Variants in SLC35F3 observed in about 807,000 individuals in gnomAD.
SLC35F3 encodes the protein solute carrier family 35 member F3, also known as putative thiamine transporter SLC35F3.
In SLC35F3, 25 loss-of-function variants were observed where a neutral mutation model predicts 49.9. The ratio of observed to expected loss-of-function variants is 0.50; its 90% confidence interval spans 0.37 to 0.70. The LOEUF is 0.70. Ranked by LOEUF, SLC35F3 falls within the 30% of genes least tolerant of loss-of-function variation. The pLI, the probability that SLC35F3 is intolerant of heterozygous loss-of-function variation, is 0.00. For missense variants in SLC35F3, 525 were observed against 639.8 expected, an observed-to-expected ratio of 0.82 and a Z score of 1.94; for synonymous variants, 275 against 265.4, an observed-to-expected ratio of 1.04 and a Z score of -0.35.
chr1:234,151,823 A>C (rs976891833), intron 2 of SLC35F3, among the ~76,000 whole-genome samples: 8 of 152,164 alleles, frequency 5.3e-5, no homozygotes, highest in African/African-American at 1.9e-4. Flanking sequence ...CAAAATCCAA[A>C]GCAATGGAAC....
At chr1:234,137,920 A>G (rs981638547) in intron 2 of SLC35F3, among the ~76,000 whole-genome samples, 1 of 152,102 alleles carries the variant, frequency 6.6e-6, no homozygotes, top group Non-Finnish European at 1.5e-5. Context: ...TGAAAAGGTT[A>G]GATTTGGGTT....
intron 2 of SLC35F3, among the ~76,000 whole-genome samples, chr1:234,050,671 G>C (rs1664362999): frequency 6.6e-6 from 1 of 152,170 alleles, no homozygotes; most frequent in Admixed American, 6.5e-5. Flanking sequence ...TTTGGCTTTT[G>C]TTGCCATTGC....
intron 2 of SLC35F3, among the ~76,000 whole-genome samples, chr1:234,181,352 AAAAG>A (rs1238641594): frequency 5.0e-4 from 75 of 151,252 alleles, no homozygotes; most frequent in Admixed American, 1.9e-3. Context: ...AAAAAAAAAA[AAAAG>A]AAAGAAAGAA....
chr1:234,239,653 C>G (rs1431856131), intron 3 of SLC35F3, among the ~76,000 whole-genome samples: 1 of 152,224 alleles, frequency 6.6e-6, no homozygotes, highest in Non-Finnish European at 1.5e-5. Flanking sequence ...AGAAGTGGGT[C>G]AGCGCTATCT....
At chr1:234,105,790 C>G (rs918811516) in intron 2 of SLC35F3, among the ~76,000 whole-genome samples, 1 of 152,220 alleles carries the variant, frequency 6.6e-6, no homozygotes, top group Admixed American at 6.5e-5. Context: ...GGAGTATTGT[C>G]CTTCCCTGCC....
At chr1:234,083,393 T>C (rs1664911463) in intron 2 of SLC35F3, among the ~76,000 whole-genome samples, 1 of 152,222 alleles carries the variant, frequency 6.6e-6, no homozygotes, top group Non-Finnish European at 1.5e-5. Context: ...TGTTTTTTCA[T>C]TTTGTTTTCT....
chr1:234,186,555 G>A (rs546084404), intron 2 of SLC35F3, among the ~76,000 whole-genome samples: 3 of 152,318 alleles, frequency 2.0e-5, no homozygotes, highest in Non-Finnish European at 4.4e-5. Context: ...CTCATTTGAG[G>A]TGAGATGTGA....
In SLC35F3 at chr1:234,273,438, GC is replaced by G. The variant is rs540888250; in HGVS notation, c.609-35657del. Among the ~76,000 whole-genome samples, 89 of 152,240 alleles carry G rather than the reference GC, an allele frequency of 5.8e-4. 1 individual carries two copies. The highest frequency in any genetic ancestry group is 2.1e-3 in the African/African-American group (87 of 41,540). ...CCCTACAATTCCAGCAGTCTGTCCTGCCCCCCTATCTGGAGTAGCCAAGAAC... is the reference window on the plus strand; with the variant it reads ...CCCTACAATTCCAGCAGTCTGTCCTGCCCCCTATCTGGAGTAGCCAAGAAC... On this transcript the variant is annotated intron_variant, in intron 3 of 7. Coordinates refer to ENST00000366618, the MANE Select transcript of SLC35F3 (RefSeq NM_173508.4).
rs1040753997 is a variant in SLC35F3, at chr1:234,232,422, C to G, written c.608+681C>G. Among the ~76,000 whole-genome samples the G allele has an allele frequency of 1.0e-4, 15 of 146,176 alleles. No homozygotes were observed. In the Admixed American group the frequency reaches 1.0e-3, roughly 10 times the overall value. ...GGGAGTCACACTGTAGGTGTTGACC[C>G]GTGGCGCTCATCTGTGCCAATTAAG... On this transcript the variant is annotated intron_variant, in intron 3 of 7. Transcript: ENST00000366618.
chr1:233,946,475 G>T (rs1168974913), intron 2 of SLC35F3, among the ~76,000 whole-genome samples: 1 of 152,206 alleles, frequency 6.6e-6, no homozygotes, highest in Non-Finnish European at 1.5e-5. Context: ...AGATATACTT[G>T]TGAACAGTTG....
intron 2 of SLC35F3, among the ~76,000 whole-genome samples, chr1:234,162,202 G>C (rs1189052508): frequency 6.6e-6 from 1 of 151,632 alleles, no homozygotes; most frequent in Non-Finnish European, 1.5e-5. Flanking sequence ...GAGAGGACTT[G>C]CCACTGGTCA....
At chr1:233,974,613 A>G (rs1663048785) in intron 2 of SLC35F3, among the ~76,000 whole-genome samples, 2 of 151,906 alleles carry the variant, frequency 1.3e-5, no homozygotes, top group Admixed American at 6.6e-5. Context: ...TCTACTTTCT[A>G]CCCATTTGCT....
chr1:234,234,757 C>T (rs1667436808), intron 3 of SLC35F3, among the ~76,000 whole-genome samples: 1 of 152,102 alleles, frequency 6.6e-6, no homozygotes, highest in Non-Finnish European at 1.5e-5. Context: ...GCTCCGTGGG[C>T]AAGTCCTCAA....
At chr1:234,248,813 G>A (rs12068359) in intron 3 of SLC35F3, among the ~76,000 whole-genome samples, 1 of 152,174 alleles carries the variant, frequency 6.6e-6, no homozygotes, top group Non-Finnish European at 1.5e-5. Context: ...TTGCCACTTA[G>A]GTGACCAAGG....
Position 233,982,022 on chromosome 1 carries a change from A to G in SLC35F3, c.283+76264A>G, listed in dbSNP as rs541232270. On this transcript the variant is annotated intron_variant, in intron 2 of 7. Transcript: ENST00000366618. ...ACTGCAACCTCCACCTTCCAGGTTC[A>G]AGTGATTCTCGTGCCTCAGCTGCCT... is the stretch of plus-strand genomic sequence containing the variant. 4.6e-5 allele frequency among the ~76,000 whole-genome samples: 7 copies of G among 152,324 alleles called. No homozygotes were observed. In the South Asian group the frequency reaches 1.4e-3, roughly 32 times the overall value.
Position 233,904,713 on chromosome 1 carries a change from G to C in SLC35F3, c.-365G>C, listed in dbSNP as rs1185686929. 6.6e-6 allele frequency among the ~76,000 whole-genome samples: 1 copy of C among 151,860 alleles called. No homozygotes were observed. Among genetic ancestry groups the C allele is most frequent in the African/African-American group, 2.4e-5 (1 of 41,416 alleles). On this transcript the variant is annotated 5_prime_UTR_variant, in exon 1 of 8. Coordinates refer to ENST00000366618, the MANE Select transcript of SLC35F3 (RefSeq NM_173508.4). ...CCCCGCCCGACCAGGTGCCTCGAGA[G>C]CGCACAGCTGGGAGGGCTCTCCCGG...
chr1:234,107,805 C>T (rs1004558344), intron 2 of SLC35F3, among the ~76,000 whole-genome samples: 3 of 152,072 alleles, frequency 2.0e-5, no homozygotes, highest in Non-Finnish European at 4.4e-5. Flanking sequence ...AGGAGGTAAA[C>T]AATAAATCTG....
intron 3 of SLC35F3, among the ~76,000 whole-genome samples, chr1:234,256,321 C>G (rs193217701): frequency 2.0e-5 from 3 of 152,044 alleles, no homozygotes; most frequent in Non-Finnish European, 4.4e-5. Flanking sequence ...AAATAAAATT[C>G]GAAGCTCCCC....
intron 2 of SLC35F3, among the ~76,000 whole-genome samples, chr1:234,225,155 G>A (rs1014555420): frequency 3.9e-5 from 6 of 152,198 alleles, no homozygotes; most frequent in South Asian, 2.1e-4. Flanking sequence ...GGCCTTACGC[G>A]TGTGAAAGCC....
Sources: gnomAD v4.1 joint callset for allele counts (sites outside exome capture counted in the v4.1 genomes callset) on GRCh38, gnomAD v4.1.1 for gene constraint, MANE v1.5 for transcripts, NCBI Gene and HGNC (gene_info 2026-07-23, HGNC 2026-07-21) for gene names.